CHADL: variants seen among roughly 807,000 people sequenced by gnomAD.
CHADL encodes chondroadherin-like protein.
Under a neutral mutation model 52.1 loss-of-function variants are expected in CHADL, and 48 were observed. The ratio of observed to expected loss-of-function variants is 0.92; its 90% confidence interval spans 0.73 to 1.17. CHADL has a LOEUF of 1.17. CHADL is among the 50% of genes most tolerant of loss of function. The probability of loss-of-function intolerance (pLI) is 0.00; values close to 1 mark genes in which losing one functional copy is unlikely to be tolerated. For missense variants in CHADL, 977 were observed against 1,035.1 expected, an observed-to-expected ratio of 0.94 and a Z score of 0.77; for synonymous variants, 498 against 511.2, an observed-to-expected ratio of 0.97 and a Z score of 0.35.
chr22:41,238,901 A>G lies in CHADL; in HGVS notation c.187-16T>C. Reference sequence around the variant, plus strand: ...GCTGGGTCAGCTGGGGACAGCGAGGAGAAAGTGGGGCTGAGCCAGGCAGGG... The same window carrying G: ...GCTGGGTCAGCTGGGGACAGCGAGGGGAAAGTGGGGCTGAGCCAGGCAGGG... On this transcript the variant is annotated splice_polypyrimidine_tract_variant and intron_variant, in intron 2 of 5. Transcript: ENST00000216241. This position sits in a 1 kb window ranked among gnomAD's most constrained non-coding sequence, Gnocchi z 4.9. 6.6e-7 allele frequency: 1 copy of G among 1,520,098 alleles called. No individual in the cohort carries two copies. 94.2% of individuals were successfully genotyped at this position (1,520,098 alleles called of 1,614,324 possible).
chr22:41,232,537 A>G (rs2032640611), intron 5 of CHADL, among the ~76,000 whole-genome samples: 1 of 152,110 alleles, frequency 6.6e-6, no homozygotes, highest in African/African-American at 2.4e-5. Flanking sequence ...TCCAGCCGGG[A>G]ACAATGCCAG....
Position 41,239,489 on chromosome 22 carries a change from G to A in CHADL, c.140C>T (p.Ala47Val). Residue 47 changes from alanine (A) to valine (V), a missense_variant, in exon 2 of 6, where the codon GCC becomes GTC. Coordinates refer to ENST00000216241, the MANE Select transcript of CHADL (RefSeq NM_138481.2). ...CICDNSRRHV[A>V]CRYQNLTEVP... ...CTCAGTGAGGTTCTGGTACCGGCAGGCAACGTGTCGCCTGGAGTTGTCACA... is the reference window on the plus strand; with the variant it reads ...CTCAGTGAGGTTCTGGTACCGGCAGACAACGTGTCGCCTGGAGTTGTCACA... 1 of 1,550,778 alleles carries A rather than the reference G, an allele frequency of 6.4e-7. No individual in the cohort carries two copies. The highest frequency in any genetic ancestry group is 1.2e-5 in the South Asian group (1 of 84,010).
intron 3 of CHADL, 57 bp downstream of exon 3, chr22:41,237,119 C>A: frequency 6.8e-7 from 1 of 1,463,870 alleles, no homozygotes. Context: ...TGAATGCACG[C>A]TGCCTGTGGC....
Position 41,237,315 on chromosome 22 carries a change from G to T in CHADL, c.1757C>A (p.Thr586Asn). Reference sequence around the variant, plus strand: ...GGCAGGCAGCCCCTCCAAGGCCCCAGTGGGCACCTCTCGCAGCTGATTCCT... The same window carrying T: ...GGCAGGCAGCCCCTCCAAGGCCCCATTGGGCACCTCTCGCAGCTGATTCCT... ...LDRNQLREVP[T>N]GALEGLPALL... The change falls in exon 3 of 6, where the codon ACT becomes AAT. Residue 586 changes from threonine (T) to asparagine (N), a missense_variant. Physicochemically the swap from Thr to Asn is moderately conservative, Grantham distance 65 (BLOSUM62 0). Coordinates refer to ENST00000216241, the MANE Select transcript of CHADL (RefSeq NM_138481.2). 6.4e-7 allele frequency: 1 copy of T among 1,550,684 alleles called. No homozygotes were observed. The highest frequency in any genetic ancestry group is 8.7e-7 in the Non-Finnish European group (1 of 1,146,952).
In CHADL at chr22:41,238,211, C is replaced by T. The variant is rs1380545749; in HGVS notation, c.861G>A (p.Gly287=). ...GCGGGGGCAGGGTGTCTAGCTGGTTCCCGCGGAGGTCGAGGGTGTGCAGGC... is the reference window on the plus strand; with the variant it reads ...GCGGGGGCAGGGTGTCTAGCTGGTTTCCGCGGAGGTCGAGGGTGTGCAGGC... The part of the protein sequence containing the change: ...CPRLHTLDLR[G]NQLDTLPPLQ... The change falls in exon 3 of 6, where the codon GGG becomes GGA. Residue 287 remains glycine, a synonymous_variant. Transcript: ENST00000216241. The surrounding 1 kb of genome is among the most constrained non-coding windows in gnomAD (Gnocchi z 4.9). 10 of 1,524,134 alleles carry T rather than the reference C, an allele frequency of 6.6e-6. No individual in the cohort carries two copies. The South Asian group carries it at 1.2e-4, about 18-fold the overall frequency. 94.4% of individuals were successfully genotyped at this position (1,524,134 alleles called of 1,614,324 possible).
At chr22:41,232,806 G>A (rs545036825) in intron 5 of CHADL, among the ~76,000 whole-genome samples, 9 of 152,042 alleles carry the variant, frequency 5.9e-5, no homozygotes, top group East Asian at 1.9e-4. Context: ...ACCCAGCTCC[G>A]CTTCTACATG....
Position 41,235,132 on chromosome 22 carries a change from C to T in CHADL, c.2262+13G>A, listed in dbSNP as rs2032715606. On this transcript the variant is annotated intron_variant, in intron 5 of 5. Transcript: ENST00000216241. ...ACCCACCAAGGTCTCACCCCTCCTGCCCCATGGCCAACCTTATCTGCTCCA... is the reference window on the plus strand; with the variant it reads ...ACCCACCAAGGTCTCACCCCTCCTGTCCCATGGCCAACCTTATCTGCTCCA... 1.3e-6 allele frequency: 2 copies of T among 1,550,586 alleles called. No homozygotes were observed. The highest frequency in any genetic ancestry group is 1.7e-6 in the Non-Finnish European group (2 of 1,146,960).
intron 3 of CHADL, 116 bp from the exon 4 acceptor site, chr22:41,236,766 T>C (rs931021125): frequency 1.4e-5 from 15 of 1,082,268 alleles, no homozygotes; most frequent in Non-Finnish European, 1.8e-5. Context: ...CCCAAGCTGG[T>C]CCAGCCAGGA....
chr22:41,240,232 C>G (rs1425123023), intron 1 of CHADL, among the ~76,000 whole-genome samples: 1 of 152,212 alleles, frequency 6.6e-6, no homozygotes, highest in Non-Finnish European at 1.5e-5. Context: ...GGACTACAGG[C>G]ACACACCACC....
intron 3 of CHADL, 37 bp from the exon 4 acceptor site, chr22:41,236,687 G>A: frequency 1.3e-6 from 2 of 1,525,318 alleles, no homozygotes; most frequent in Non-Finnish European, 1.8e-6. Context: ...TGAGCTCCTG[G>A]CAGAGCTGTC....
Position 41,239,472 on chromosome 22 carries a change from G to T in CHADL, c.157C>A (p.Leu53Ile), listed in dbSNP as rs748770774. The T allele has an allele frequency of 2.0e-5, 31 of 1,550,936 alleles. No homozygotes were observed. The highest frequency in any genetic ancestry group is 2.6e-5 in the Non-Finnish European group (30 of 1,146,910). The change falls in exon 2 of 6, where the codon CTC becomes ATC. Residue 53 changes from leucine (L) to isoleucine (I), a missense_variant. Transcript: ENST00000216241. ...RRHVACRYQN[L>I]TEVPDAIPEL... is the part of the protein sequence containing the mutation. ...GGGATGGCGTCTGGCACCTCAGTGA[G>T]GTTCTGGTACCGGCAGGCAACGTGT...
chr22:41,235,685 G>A lies in CHADL; in HGVS notation c.2064-342C>T, dbSNP rs755657020. On this transcript the variant is annotated intron_variant, in intron 4 of 5. Transcript: ENST00000216241. Reference sequence around the variant, plus strand: ...AATAAACAGTTAGAGGGCTTACAACGTAGCAGACACTGTTCAAATCAACTT... The same window carrying A: ...AATAAACAGTTAGAGGGCTTACAACATAGCAGACACTGTTCAAATCAACTT... Among the ~76,000 whole-genome samples, 9 of 152,276 alleles carry A rather than the reference G, an allele frequency of 5.9e-5. No homozygotes were observed. The Middle Eastern group carries it at 0.01, about 173-fold the overall frequency.
Position 41,237,309 on chromosome 22 carries a change from G to GC in CHADL, c.1762dup (p.Ala588GlyfsTer23), listed in dbSNP as rs1569159104. 6.4e-7 allele frequency: 1 copy of GC among 1,550,638 alleles called. No individual in the cohort carries two copies. The highest frequency in any genetic ancestry group is 2.0e-5 in the Admixed American group (1 of 51,010). On this transcript the variant is annotated frameshift_variant, in exon 3 of 6. Coordinates refer to ENST00000216241, the MANE Select transcript of CHADL (RefSeq NM_138481.2). LOFTEE classifies it high-confidence loss of function. The stretch of plus-strand genomic sequence containing the variant: ...CAGGAGGGCAGGCAGCCCCTCCAAG[G>GC]CCCCAGTGGGCACCTCTCGCAGCTG...
At position 41,229,664 on chromosome 22, in the gene CHADL, C is replaced by T; in HGVS notation, c.*40G>A. ...AGCCTGTTCCTGGCGAGAGTAAGAG[C>T]CACCGGGCTGGGTCAAGGCAGGACC... On this transcript the variant is annotated 3_prime_UTR_variant, in exon 6 of 6. Coordinates refer to ENST00000216241, the MANE Select transcript of CHADL (RefSeq NM_138481.2). The T allele has an allele frequency of 6.2e-7, 1 of 1,613,256 alleles. No individual in the cohort carries two copies. The highest frequency in any genetic ancestry group is 8.5e-7 in the Non-Finnish European group (1 of 1,180,022).
In CHADL at chr22:41,238,912, C is replaced by T; in HGVS notation, c.187-27G>A. 1 of 1,509,734 alleles carries T rather than the reference C, an allele frequency of 6.6e-7. No individual in the cohort carries two copies. Among genetic ancestry groups the T allele is most frequent in the East Asian group, 2.5e-5 (1 of 40,284 alleles). The allele number at this position is 1,509,734 out of a possible 1,614,324, so 93.5% of individuals were successfully genotyped here. A position where few individuals can be genotyped will look rare whatever the true frequency, so the allele number is the denominator to read the frequency against. On this transcript the variant is annotated intron_variant, in intron 2 of 5. Coordinates refer to ENST00000216241, the MANE Select transcript of CHADL (RefSeq NM_138481.2). This position sits in a 1 kb window ranked among gnomAD's most constrained non-coding sequence, Gnocchi z 4.9. ...TGGGGACAGCGAGGAGAAAGTGGGG[C>T]TGAGCCAGGCAGGGACCCCGCCTTT...
chr22:41,235,849 C>A (rs1010060661), intron 4 of CHADL, among the ~76,000 whole-genome samples: 1 of 152,096 alleles, frequency 6.6e-6, no homozygotes, highest in South Asian at 2.1e-4. Context: ...GAGCCCAGGT[C>A]TGCAGGACTC....
chr22:41,240,692 C>G (rs562314676), intron 1 of CHADL, 182 bp downstream of exon 1: 18 of 643,904 alleles, frequency 2.8e-5, no homozygotes, highest in Non-Finnish European at 4.6e-5. Context: ...CAGTTCCTGG[C>G]AGTGGCCACA....
chr22:41,234,201 A>T (rs1432970531), intron 5 of CHADL, among the ~76,000 whole-genome samples: 1 of 152,084 alleles, frequency 6.6e-6, no homozygotes, highest in African/African-American at 2.4e-5. Flanking sequence ...CAGCAAATAT[A>T]GAAACAGCAG....
At position 41,234,890 on chromosome 22, in the gene CHADL, C is replaced by G. The variant is rs1319170407; in HGVS notation, c.2262+255G>C. Among the ~76,000 whole-genome samples, 3 of 152,026 alleles carry G rather than the reference C, an allele frequency of 2.0e-5. No homozygotes were observed. In the East Asian group the frequency reaches 5.8e-4, roughly 29 times the overall value. On this transcript the variant is annotated intron_variant, in intron 5 of 5. Coordinates refer to ENST00000216241, the MANE Select transcript of CHADL (RefSeq NM_138481.2). ...TTTTTTAGTAGAGATGGGGTTTCAC[C>G]ATGTTGGCCAAGATGGTCTTGACCT...
Sources: gnomAD v4.1 joint callset for allele counts (sites outside exome capture counted in the v4.1 genomes callset) on GRCh38, gnomAD v4.1.1 for gene constraint, Gnocchi (gnomAD v3.1) non-coding constraint, MANE v1.5 for transcripts, NCBI Gene and HGNC (gene_info 2026-07-23, HGNC 2026-07-21) for gene names.